LCA5L: variants seen among roughly 807,000 people sequenced by gnomAD.
LCA5L encodes lebercilin LCA5 like.
Under a neutral mutation model 45.4 loss-of-function variants are expected in LCA5L, and 35 were observed. The ratio of observed to expected loss-of-function variants is 0.77; its 90% confidence interval spans 0.59 to 1.02. The LOEUF (loss-of-function observed/expected upper bound fraction) is 1.02. Ranked by LOEUF, LCA5L falls within the 50% of genes least tolerant of loss-of-function variation. LCA5L has a pLI of 0.00. For missense variants in LCA5L, 668 were observed against 761.6 expected (o/e 0.88, Z 1.45); for synonymous variants, 233 against 264.7 (o/e 0.88, Z 1.16).
intron 7 of LCA5L, among the ~76,000 whole-genome samples, chr21:39,415,167 A>G (rs143081578): frequency 1.6e-3 from 245 of 152,290 alleles, no homozygotes; most frequent in African/African-American, 5.8e-3. Flanking sequence ...TTCCCAAAAA[A>G]TGATGTAAGC....
intron 6 of LCA5L, chr21:39,422,617 G>A: frequency 2.8e-6 from 1 of 353,846 alleles, no homozygotes; most frequent in Non-Finnish European, 5.0e-6. Flanking sequence ...GTAGAGGGTT[G>A]ACTTCAAAGA....
intron 7 of LCA5L, among the ~76,000 whole-genome samples, chr21:39,413,342 A>G (rs2040441024): frequency 6.6e-6 from 1 of 152,234 alleles, no homozygotes; most frequent in Admixed American, 6.5e-5. Context: ...ACAACCTAGC[A>G]TAAGACTGTT....
At chr21:39,420,597 T>C in intron 7 of LCA5L, 109 bp downstream of exon 7, 1 of 870,948 alleles carries the variant, frequency 1.1e-6, no homozygotes, top group Non-Finnish European at 1.7e-6. Context: ...AGAGGAGCCT[T>C]ATATATGTAT....
intron 2 of LCA5L, among the ~76,000 whole-genome samples, chr21:39,438,214 T>G (rs1385526595): frequency 6.6e-6 from 1 of 152,070 alleles, no homozygotes; most frequent in Non-Finnish European, 1.5e-5. Context: ...CAAATACATA[T>G]GGTAACCTAG....
At chr21:39,441,752 A>G (rs1376121076) in intron 2 of LCA5L, among the ~76,000 whole-genome samples, 1 of 152,242 alleles carries the variant, frequency 6.6e-6, no homozygotes, top group Non-Finnish European at 1.5e-5. Context: ...AAATCTTTAC[A>G]CAAGTACCCG....
intron 1 of LCA5L, among the ~76,000 whole-genome samples, chr21:39,444,420 G>A (rs554551150): frequency 6.6e-6 from 1 of 152,002 alleles, no homozygotes. Context: ...TTGCTGACCC[G>A]GTTTAAAAGT....
chr21:39,416,087 T>C lies in LCA5L; in HGVS notation c.976-4285A>G, dbSNP rs552001860. Among the ~76,000 whole-genome samples the C allele has an allele frequency of 2.0e-5, 3 of 152,306 alleles. No individual in the cohort carries two copies. In the East Asian group the frequency reaches 5.8e-4, roughly 29 times the overall value. On this transcript the variant is annotated intron_variant, in intron 7 of 10. Transcript: ENST00000288350. ...TTCTAATCCTGTCATTCCTTCTTCATTATTGAGTGGAATGCTTTTATAAGG... is the reference window on the plus strand; with the variant it reads ...TTCTAATCCTGTCATTCCTTCTTCACTATTGAGTGGAATGCTTTTATAAGG...
chr21:39,427,793 T>C (rs984224694), intron 5 of LCA5L: 2 of 156,484 alleles, frequency 1.3e-5, no homozygotes, highest in Non-Finnish European at 2.8e-5. Flanking sequence ...GGTGCTGAGA[T>C]AGGTATTTAC....
chr21:39,417,682 G>A (rs1256957950), intron 7 of LCA5L, among the ~76,000 whole-genome samples: 5 of 152,166 alleles, frequency 3.3e-5, no homozygotes, highest in Admixed American at 6.5e-5. Context: ...AGACAAAGGA[G>A]GAGCAAAAGG....
chr21:39,438,194 G>GAAACAC (rs1279787173), intron 2 of LCA5L, among the ~76,000 whole-genome samples: 7 of 152,122 alleles, frequency 4.6e-5, no homozygotes, highest in Non-Finnish European at 8.8e-5. Flanking sequence ...TTCAGAAACA[G>GAAACAC]AAACACAAAC....
At chr21:39,445,680 A>T (rs1406964198) in intron 1 of LCA5L, 45 bp downstream of exon 1, 1 of 152,482 alleles carries the variant, frequency 6.6e-6, no homozygotes, top group Non-Finnish European at 1.5e-5. Context: ...GGGCTGTAAC[A>T]GGGTAACCGG....
At chr21:39,418,711 G>A (rs1194700275) in intron 7 of LCA5L, among the ~76,000 whole-genome samples, 1 of 151,818 alleles carries the variant, frequency 6.6e-6, no homozygotes, top group Non-Finnish European at 1.5e-5. Context: ...TGTTGGTCAG[G>A]CTGGTCTCGA....
intron 7 of LCA5L, among the ~76,000 whole-genome samples, chr21:39,416,772 A>G (rs1168802049): frequency 6.6e-6 from 1 of 152,176 alleles, no homozygotes; most frequent in Non-Finnish European, 1.5e-5. Flanking sequence ...CAACATCAAC[A>G]TCATTACCAA....
At position 39,422,970 on chromosome 21, in the gene LCA5L, A is replaced by G. The variant is rs972068299; in HGVS notation, c.837+6T>C. On this transcript the variant is annotated splice_donor_region_variant and intron_variant, in intron 6 of 10. Coordinates refer to ENST00000288350, the MANE Select transcript of LCA5L (RefSeq NM_152505.4). Reference sequence around the variant, plus strand: ...CTTAAACTGTCTGGGCCCCTGAAATACAGACCTGTATTTTTTTGTCATTTG... The same window carrying G: ...CTTAAACTGTCTGGGCCCCTGAAATGCAGACCTGTATTTTTTTGTCATTTG... The G allele has an allele frequency of 1.2e-6, 2 of 1,612,656 alleles. No individual in the cohort carries two copies. The highest frequency in any genetic ancestry group is 1.7e-4 in the Middle Eastern group (1 of 6,052).
intron 9 of LCA5L, 74 bp downstream of exon 9, chr21:39,410,190 A>G (rs1401727271): frequency 2.4e-6 from 3 of 1,237,450 alleles, no homozygotes; most frequent in South Asian, 1.2e-5. Context: ...CTTTTCACAT[A>G]GAACAAGTGA....
chr21:39,417,796 C>G (rs559178177), intron 7 of LCA5L, among the ~76,000 whole-genome samples: 2 of 151,906 alleles, frequency 1.3e-5, no homozygotes, highest in Non-Finnish European at 2.9e-5. Flanking sequence ...GATGGAGTCT[C>G]GCTCTGTCGC....
Position 39,406,375 on chromosome 21 carries a change from C to T in LCA5L, c.1520G>A (p.Gly507Asp). ...TTTCGTGTAGGGAGCAGTGCCTTTG[C>T]CAAGTGTGTCATCCACACCATTTCT... is the stretch of plus-strand genomic sequence containing the variant. ...MQRNGVDDTLGKGTAPYTKGP... is the reference protein window; with the variant it reads ...MQRNGVDDTLDKGTAPYTKGP... The change falls in exon 11 of 11, where the codon GGC becomes GAC. Residue 507 changes from glycine (G) to aspartate (D), a missense_variant. Coordinates refer to ENST00000288350, the MANE Select transcript of LCA5L (RefSeq NM_152505.4). 1.9e-6 allele frequency: 3 copies of T among 1,613,814 alleles called. No individual in the cohort carries two copies. The highest frequency in any genetic ancestry group is 2.5e-6 in the Non-Finnish European group (3 of 1,179,908).
chr21:39,426,661 G>A (rs1337623562), intron 5 of LCA5L, among the ~76,000 whole-genome samples: 1 of 152,190 alleles, frequency 6.6e-6, no homozygotes, highest in Non-Finnish European at 1.5e-5. Flanking sequence ...TTCAAATAAG[G>A]TTTTTGTTGC....
chr21:39,438,113 G>T (rs926275503), intron 2 of LCA5L, among the ~76,000 whole-genome samples: 1 of 152,158 alleles, frequency 6.6e-6, no homozygotes, highest in Non-Finnish European at 1.5e-5. Context: ...CAGATACTGA[G>T]ATAGAAAACT....
Sources: allele counts gnomAD v4.1 joint callset (sites outside exome capture counted in the v4.1 genomes callset), GRCh38; gene constraint gnomAD v4.1.1; transcripts MANE v1.5; gene names NCBI Gene and HGNC (gene_info 2026-07-23, HGNC 2026-07-21).